ZNF277: variants seen among roughly 807,000 people sequenced by gnomAD.
ZNF277 encodes the protein nuclear receptor-interacting factor 4.
ZNF277 carries 55 observed loss-of-function variants against 60.7 expected under a neutral mutation model. That is an observed-to-expected ratio of 0.91 (90% CI 0.73 to 1.13). The LOEUF is 1.13. Among genes scored for constraint, ZNF277 ranks in the 50% most tolerant of loss-of-function variants. The pLI, the probability that ZNF277 is intolerant of heterozygous loss-of-function variation, is 0.00. For missense variants in ZNF277, 510 were observed against 523.0 expected (o/e 0.98, Z 0.24); for synonymous variants, 178 against 179.3 (o/e 0.99, Z 0.06).
intron 1 of ZNF277, among the ~76,000 whole-genome samples, chr7:112,257,617 T>C (rs1417857859): frequency 6.6e-6 from 1 of 152,144 alleles, no homozygotes; most frequent in African/African-American, 2.4e-5. Flanking sequence ...CTTTATTTAA[T>C]CGTGACCACT....
At chr7:112,327,854 C>A in intron 6 of ZNF277, 27 bp downstream of exon 6, 1 of 1,441,178 alleles carries the variant, frequency 6.9e-7, no homozygotes, top group South Asian at 1.3e-5. Context: ...GAAACACTGC[C>A]TAAAGCTGTT....
intron 1 of ZNF277, among the ~76,000 whole-genome samples, chr7:112,224,874 G>C (rs1001646200): frequency 6.6e-6 from 1 of 152,140 alleles, no homozygotes; most frequent in African/African-American, 2.4e-5. Context: ...GTGTGGTGGT[G>C]GCTCACACCT....
chr7:112,240,625 G>A (rs181715133), intron 1 of ZNF277, among the ~76,000 whole-genome samples: 4 of 152,104 alleles, frequency 2.6e-5, no homozygotes, highest in Admixed American at 2.0e-4. Context: ...TATGGTACTG[G>A]CATAAAAACA....
intron 1 of ZNF277, among the ~76,000 whole-genome samples, chr7:112,223,548 C>A (rs138483029): frequency 1.3e-3 from 193 of 152,296 alleles, no homozygotes; most frequent in African/African-American, 4.4e-3. Flanking sequence ...ATTTCCAAGT[C>A]CGGAGCCAAG....
At chr7:112,282,524 AG>A (rs1791971104) in intron 1 of ZNF277, among the ~76,000 whole-genome samples, 2 of 152,260 alleles carry the variant, frequency 1.3e-5, no homozygotes, top group South Asian at 4.1e-4. Flanking sequence ...GGAACATGGG[AG>A]GCTTCGCCTT....
At chr7:112,271,905 A>G (rs1791677714) in intron 1 of ZNF277, among the ~76,000 whole-genome samples, 1 of 152,200 alleles carries the variant, frequency 6.6e-6, no homozygotes, top group African/African-American at 2.4e-5. Flanking sequence ...TAAATGGAAT[A>G]TCCATTACCT....
chr7:112,330,194 G>T lies in ZNF277; in HGVS notation c.779G>T (p.Arg260Ile), dbSNP rs1206552815. ...AATCCTAAGAACAGAGAATATGACA[G>T]ATTTTATGTCATCAATTATTTGGTA... ...KINPKNREYDRFYVINYLELG... is the reference protein window; with the variant it reads ...KINPKNREYDIFYVINYLELG... The change falls in exon 7 of 12, where the codon AGA becomes ATA. Residue 260 changes from arginine to isoleucine, a missense_variant. Coordinates refer to ENST00000361822, the MANE Select transcript of ZNF277 (RefSeq NM_021994.3). The T allele has an allele frequency of 1.2e-6, 2 of 1,612,284 alleles. No individual in the cohort carries two copies. Among genetic ancestry groups the T allele is most frequent in the East Asian group, 4.5e-5 (2 of 44,752 alleles).
chr7:112,282,158 G>C (rs1217641648), intron 1 of ZNF277, among the ~76,000 whole-genome samples: 1 of 152,204 alleles, frequency 6.6e-6, no homozygotes, highest in Non-Finnish European at 1.5e-5. Flanking sequence ...CTTAGTCCTT[G>C]ACCTTAAGGA....
intron 4 of ZNF277, among the ~76,000 whole-genome samples, chr7:112,298,143 G>T (rs1163121300): frequency 1.3e-5 from 2 of 152,170 alleles, no homozygotes; most frequent in Non-Finnish European, 2.9e-5. Context: ...TATCATACAA[G>T]AGTGTACGGT....
intron 7 of ZNF277, among the ~76,000 whole-genome samples, chr7:112,333,580 G>C (rs997837164): frequency 3.9e-5 from 6 of 152,076 alleles, no homozygotes; most frequent in African/African-American, 1.4e-4. Flanking sequence ...GAACATCCAG[G>C]GTATCCGTAG....
At chr7:112,320,442 G>T (rs918447149) in intron 5 of ZNF277, among the ~76,000 whole-genome samples, 3 of 152,072 alleles carry the variant, frequency 2.0e-5, no homozygotes, top group Non-Finnish European at 4.4e-5. Context: ...GACACAACTT[G>T]ATTCCACCTA....
chr7:112,337,880 G>GT (rs1793364337), intron 9 of ZNF277, 54 bp downstream of exon 9: 3 of 1,443,172 alleles, frequency 2.1e-6, no homozygotes, highest in Non-Finnish European at 2.9e-6. Flanking sequence ...GGGAAAGCTA[G>GT]TAATTGTTGC....
chr7:112,297,500 A>T (rs1584389106), intron 4 of ZNF277, among the ~76,000 whole-genome samples: 1 of 152,214 alleles, frequency 6.6e-6, no homozygotes, highest in Non-Finnish European at 1.5e-5. Flanking sequence ...ATATAATTTA[A>T]GAAAGTCCCT....
chr7:112,299,906 C>A (rs953350603), intron 4 of ZNF277, among the ~76,000 whole-genome samples: 1 of 152,164 alleles, frequency 6.6e-6, no homozygotes, highest in South Asian at 2.1e-4. Flanking sequence ...AATATTTATT[C>A]TTTCATGTGG....
At chr7:112,294,552 A>G (rs531003409) in intron 2 of ZNF277, among the ~76,000 whole-genome samples, 2 of 152,316 alleles carry the variant, frequency 1.3e-5, no homozygotes, top group African/African-American at 4.8e-5. Flanking sequence ...TTACTTACCC[A>G]TCAAAGTTAA....
At chr7:112,238,017 C>A (rs1287990133) in intron 1 of ZNF277, among the ~76,000 whole-genome samples, 1 of 152,138 alleles carries the variant, frequency 6.6e-6, no homozygotes, top group Admixed American at 6.5e-5. Flanking sequence ...GATGAATAGA[C>A]CCCTCCAGCA....
intron 4 of ZNF277, among the ~76,000 whole-genome samples, chr7:112,311,955 A>T (rs1449817630): frequency 6.6e-6 from 1 of 152,088 alleles, no homozygotes; most frequent in East Asian, 1.9e-4. Flanking sequence ...GTGATATATG[A>T]CTGTCTTCTA....
chr7:112,222,100 A>G (rs991699112), intron 1 of ZNF277, among the ~76,000 whole-genome samples: 1 of 152,110 alleles, frequency 6.6e-6, no homozygotes, highest in Non-Finnish European at 1.5e-5. Context: ...GTTTGCAACT[A>G]TTTTGTTGAG....
chr7:112,342,335 C>T (rs1051847773), intron 11 of ZNF277, among the ~76,000 whole-genome samples: 9 of 152,078 alleles, frequency 5.9e-5, no homozygotes, highest in African/African-American at 1.9e-4. Context: ...GGGAGGTCCA[C>T]GATCTTGGTT....
Sources: gnomAD v4.1 joint callset for allele counts (sites outside exome capture counted in the v4.1 genomes callset) on GRCh38, gnomAD v4.1.1 for gene constraint, MANE v1.5 for transcripts, NCBI Gene and HGNC (gene_info 2026-07-23, HGNC 2026-07-21) for gene names.